The following SHANK2 variants were observed in gnomAD, a reference collection of about 807,000 sequenced individuals.
SHANK2 encodes the protein SH3 and multiple ankyrin repeat domains protein 2.
SHANK2 carries 43 observed loss-of-function variants against 133.7 expected under a neutral mutation model. That is an observed-to-expected ratio of 0.32 (90% CI 0.25 to 0.41). SHANK2 has a LOEUF of 0.41. Among genes scored for constraint, SHANK2 ranks in the 10% least tolerant of loss-of-function variants. The pLI is 1.00. For synonymous variants in SHANK2, 1,017 were observed against 952.8 expected, an observed-to-expected ratio of 1.07 and a Z score of -1.24; for missense variants, 1,994 against 2,235.8, an observed-to-expected ratio of 0.89 and a Z score of 2.18.
chr11:70,843,739 C>CT (rs2135440023), intron 11 of SHANK2, among the ~76,000 whole-genome samples: 1 of 152,176 alleles, frequency 6.6e-6, no homozygotes, highest in South Asian at 2.1e-4. Context: ...CCCAGCCCAC[C>CT]TGCAGGGCTC....
At chr11:71,151,313 T>G (rs1167286959) in intron 2 of SHANK2, among the ~76,000 whole-genome samples, 1 of 152,060 alleles carries the variant, frequency 6.6e-6, no homozygotes, top group Non-Finnish European at 1.5e-5. Flanking sequence ...TGATACCCAC[T>G]GTTGACTCCC....
intron 17 of SHANK2, chr11:70,631,308 T>C (rs1555002067): frequency 1.3e-5 from 2 of 151,898 alleles, no homozygotes; most frequent in Non-Finnish European, 2.9e-5. Flanking sequence ...ATTGTACAAG[T>C]GGCACATTTA....
At chr11:71,066,780 C>T (rs1019007684) in intron 9 of SHANK2, among the ~76,000 whole-genome samples, 15 of 152,240 alleles carry the variant, frequency 9.9e-5, no homozygotes, top group Non-Finnish European at 1.3e-4. Context: ...GTGGCTGGGA[C>T]GCTTGTGTCA....
At chr11:70,905,182 T>C (rs1174403799) in intron 10 of SHANK2, among the ~76,000 whole-genome samples, 1 of 152,096 alleles carries the variant, frequency 6.6e-6, no homozygotes, top group African/African-American at 2.4e-5. Flanking sequence ...GAGGAGGACC[T>C]GGGGCTGTCT....
intron 8 of SHANK2, among the ~76,000 whole-genome samples, chr11:71,086,812 A>C (rs1951425974): frequency 6.6e-6 from 1 of 152,146 alleles, no homozygotes; most frequent in Non-Finnish European, 1.5e-5. Flanking sequence ...ACCCGCACCC[A>C]TCCCTTATCT....
intron 13 of SHANK2, among the ~76,000 whole-genome samples, chr11:70,799,781 C>G (rs937597327): frequency 6.6e-5 from 10 of 152,214 alleles, no homozygotes; most frequent in Admixed American, 6.5e-4. Flanking sequence ...ACACAGGCAT[C>G]CCTCCCCAGC....
chr11:71,180,730 A>G (rs1233151864), intron 2 of SHANK2, among the ~76,000 whole-genome samples: 5 of 152,262 alleles, frequency 3.3e-5, no homozygotes, highest in Admixed American at 2.0e-4. Context: ...GATCAAATGA[A>G]TTTCAGCTCA....
intron 2 of SHANK2, among the ~76,000 whole-genome samples, chr11:71,222,686 C>T (rs548593682): frequency 1.5e-3 from 223 of 152,370 alleles, no homozygotes; most frequent in African/African-American, 5.3e-3. Flanking sequence ...CATCTTATGG[C>T]TCAACCCCGA....
At chr11:70,521,639 T>C (rs1268726406) in intron 17 of SHANK2, among the ~76,000 whole-genome samples, 5 of 152,210 alleles carry the variant, frequency 3.3e-5, no homozygotes, top group African/African-American at 1.2e-4. Context: ...TGTTTCTGTA[T>C]GTGTATGTGT....
intron 9 of SHANK2, among the ~76,000 whole-genome samples, chr11:71,057,340 C>CA (rs1190400622): frequency 3.4e-4 from 52 of 151,562 alleles, no homozygotes; most frequent in African/African-American, 1.2e-3. Context: ...CATCTCAAAA[C>CA]AAAAAACAAA....
chr11:70,861,052 T>C (rs1423330163), intron 11 of SHANK2, among the ~76,000 whole-genome samples: 1 of 152,134 alleles, frequency 6.6e-6, no homozygotes, highest in Non-Finnish European at 1.5e-5. Context: ...GGCCCCCTTG[T>C]GGGAGGGAAG....
At chr11:70,483,247 C>T (rs2058758889) in intron 25 of SHANK2, among the ~76,000 whole-genome samples, 1 of 152,182 alleles carries the variant, frequency 6.6e-6, no homozygotes, top group Non-Finnish European at 1.5e-5. Context: ...TGACTCATAC[C>T]TGCTCCCCAG....
Position 70,876,235 on chromosome 11 carries a change from C to T in SHANK2, c.1174+20266G>A, listed in dbSNP as rs184006910. 8.1e-4 allele frequency among the ~76,000 whole-genome samples: 5 copies of T among 6,168 alleles called. No individual in the cohort carries two copies. The East Asian group carries it at 0.018, about 22-fold the overall frequency. 4.0% of individuals were successfully genotyped at this position (6,168 alleles called of 152,430 possible). On this transcript the variant is annotated intron_variant, in intron 11 of 25. Coordinates refer to ENST00000601538, the MANE Select transcript of SHANK2 (RefSeq NM_012309.5). ...CATGTATATACATAATACACACACA[C>T]ACATATAGACACACACACACACACA...
rs189987132 is a variant in SHANK2 at position 70,660,007 on chromosome 11, C to G, written c.1937-55G>C. On this transcript the variant is annotated intron_variant, in intron 16 of 25. Transcript: ENST00000601538. ...GCCTGGGAGATGTCTTCCAAGTTCA[C>G]ATTGCCTGACCTCCCCACAGGACCC... 3.1e-6 allele frequency: 5 copies of G among 1,613,126 alleles called. No individual in the cohort carries two copies. The East Asian group carries it at 1.1e-4, about 36-fold the overall frequency.
In SHANK2 at chr11:70,492,325, G is replaced by C. The variant is rs782522531; in HGVS notation, c.2439+10C>G. On this transcript the variant is annotated intron_variant, in intron 22 of 25. Transcript: ENST00000601538. ...CCCCGCCCTCGTGGTCCCAAGGTAC[G>C]GCCACTCACGTTCATGTCTGAGCCC... The C allele has an allele frequency of 6.2e-7, 1 of 1,609,512 alleles. No individual in the cohort carries two copies. The highest frequency in any genetic ancestry group is 2.2e-5 in the East Asian group (1 of 44,884).
At chr11:70,617,983 TATA>T (rs1167875769) in intron 17 of SHANK2, among the ~76,000 whole-genome samples, 1 of 151,860 alleles carries the variant, frequency 6.6e-6, no homozygotes, top group Non-Finnish European at 1.5e-5. Context: ...AAACTTAAAG[TATA>T]ATAATAATAA....
chr11:70,812,295 C>T (rs1250267860), intron 12 of SHANK2, among the ~76,000 whole-genome samples: 3 of 152,226 alleles, frequency 2.0e-5, no homozygotes, highest in Non-Finnish European at 4.4e-5. Context: ...TTCTTCTAGA[C>T]CAGAGTGGTG....
intron 2 of SHANK2, among the ~76,000 whole-genome samples, chr11:71,169,371 T>C (rs7111504): frequency 0.26 from 40,005 of 152,202 alleles, 5,802 homozygotes; most frequent in South Asian, 0.36. Flanking sequence ...TAGGATTCTT[T>C]AGGCCTGTTT....
chr11:70,920,457 G>C (rs531097690), intron 10 of SHANK2, among the ~76,000 whole-genome samples: 1 of 152,200 alleles, frequency 6.6e-6, no homozygotes, highest in South Asian at 2.1e-4. Flanking sequence ...GGCGGAGGGT[G>C]GAACTTCTTT....
Sources: allele counts gnomAD v4.1 joint callset (sites outside exome capture counted in the v4.1 genomes callset), GRCh38; gene constraint gnomAD v4.1.1; transcripts MANE v1.5; gene names NCBI Gene and HGNC (gene_info 2026-07-23, HGNC 2026-07-21).